DNAJB13: variants seen among roughly 807,000 people sequenced by gnomAD.
DNAJB13 encodes the protein dnaJ homolog subfamily B member 13.
A neutral mutation model predicts 35.6 loss-of-function variants in DNAJB13; 22 were observed. The ratio of observed to expected loss-of-function variants is 0.62; its 90% CI spans 0.44 to 0.88. The LOEUF (loss-of-function observed/expected upper bound fraction) is 0.88. Among genes scored for constraint, DNAJB13 ranks in the 40% least tolerant of loss-of-function variants. DNAJB13 has a pLI of 0.00. For missense variants in DNAJB13, 370 were observed against 384.3 expected, an observed-to-expected ratio of 0.96 and a Z score of 0.31; for synonymous variants, 136 against 144.2, an observed-to-expected ratio of 0.94 and a Z score of 0.41.
At chr11:73,951,574 G>A (rs975403449) in intron 1 of DNAJB13, among the ~76,000 whole-genome samples, 5 of 152,168 alleles carry the variant, frequency 3.3e-5, no homozygotes, top group African/African-American at 7.2e-5. Context: ...TACTTCCATC[G>A]GATCTTAAGG....
intron 2 of DNAJB13, 85 bp downstream of exon 2, chr11:73,958,505 A>G: frequency 1.6e-6 from 2 of 1,216,872 alleles, no homozygotes; most frequent in Non-Finnish European, 2.4e-6. Context: ...AGGGGGCCCA[A>G]TAACGAGGAA....
At chr11:73,960,370 C>T (rs1243516309) in intron 3 of DNAJB13, among the ~76,000 whole-genome samples, 4 of 152,292 alleles carry the variant, frequency 2.6e-5, no homozygotes, top group Middle Eastern at 3.4e-3. Flanking sequence ...TTAGTAGAGA[C>T]GTGGTTTCAC....
chr11:73,968,303 C>T lies in DNAJB13; in HGVS notation c.607-42C>T, dbSNP rs372159826. Reference sequence around the variant, plus strand: ...AGGCAGGAACTTGGCCAAGGTCACACGGCCAACTAGTCCTTGTCACCTTTT... The same window carrying T: ...AGGCAGGAACTTGGCCAAGGTCACATGGCCAACTAGTCCTTGTCACCTTTT... On this transcript the variant is annotated intron_variant, in intron 5 of 7. Coordinates refer to ENST00000339764, the MANE Select transcript of DNAJB13 (RefSeq NM_153614.4). 174 of 1,571,608 alleles carry T rather than the reference C, an allele frequency of 1.1e-4. No homozygotes were observed. The East Asian group carries it at 1.3e-3, about 12-fold the overall frequency.
chr11:73,956,803 CAAAA>C (rs1163341948), intron 1 of DNAJB13, among the ~76,000 whole-genome samples: 2,913 of 75,870 alleles, frequency 0.038, 110 homozygotes, highest in African/African-American at 0.12. Context: ...AACTCCATCT[CAAAA>C]AAAAAAAAAA....
At chr11:73,951,217 G>C (rs922911001) in intron 1 of DNAJB13, 80 bp downstream of exon 1, 109 of 1,522,076 alleles carry the variant, frequency 7.2e-5, no homozygotes, top group Non-Finnish European at 9.5e-5. Flanking sequence ...GAGCTTTCCT[G>C]CACAGCTTAG....
chr11:73,970,162 C>A lies in DNAJB13; in HGVS notation c.*48C>A. ...TGAGAGGAGGCTAGCCGGGCCTCAC[C>A]CCACCCCTACCCGCCACAGCCTCAG... is the stretch of plus-strand genomic sequence containing the variant. On this transcript the variant is annotated 3_prime_UTR_variant, in exon 8 of 8. Transcript: ENST00000339764. 6.6e-7 allele frequency: 1 copy of A among 1,513,362 alleles called. No homozygotes were observed. Among genetic ancestry groups the A allele is most frequent in the South Asian group, 1.3e-5 (1 of 75,852 alleles). 93.7% of individuals were successfully genotyped at this position (1,513,362 alleles called of 1,614,324 possible). A position where few individuals can be genotyped will look rare whatever the true frequency, so the allele number is the denominator to read the frequency against.
At chr11:73,966,333 G>C in intron 5 of DNAJB13, 82 bp downstream of exon 5, 6 of 1,347,428 alleles carry the variant, frequency 4.5e-6, no homozygotes, top group Non-Finnish European at 6.2e-6. Context: ...GGGAAAGGAG[G>C]CAATACTTTT....
At chr11:73,960,105 A>C (rs575719337) in intron 3 of DNAJB13, among the ~76,000 whole-genome samples, 2 of 152,284 alleles carry the variant, frequency 1.3e-5, no homozygotes, top group African/African-American at 4.8e-5. Context: ...AACACATTGC[A>C]AAAGAAAAAG....
chr11:73,968,147 G>C, intron 5 of DNAJB13, 198 bp from the exon 6 acceptor site: 1 of 604,924 alleles, frequency 1.7e-6, no homozygotes, highest in Non-Finnish European at 3.0e-6. Flanking sequence ...AAGTAATTCT[G>C]GGGGGATTCA....
intron 1 of DNAJB13, among the ~76,000 whole-genome samples, chr11:73,954,603 C>A (rs1950682864): frequency 6.8e-6 from 1 of 147,996 alleles, no homozygotes; most frequent in Non-Finnish European, 1.5e-5. Context: ...GCACTCCAGC[C>A]TGGGCAACAG....
chr11:73,960,987 G>A (rs1307835858), intron 3 of DNAJB13, among the ~76,000 whole-genome samples: 1 of 152,132 alleles, frequency 6.6e-6, no homozygotes, highest in Admixed American at 6.6e-5. Flanking sequence ...GGAATTAGGT[G>A]CTTTAAAAAA....
intron 3 of DNAJB13, 77 bp downstream of exon 3, chr11:73,959,732 T>C (rs1950873337): frequency 1.5e-6 from 2 of 1,356,460 alleles, no homozygotes; most frequent in Admixed American, 2.6e-5. Context: ...TGAGTAGTTT[T>C]GTTTTTATTT....
At chr11:73,964,823 G>A (rs749750367) in intron 3 of DNAJB13, 55 bp from the exon 4 acceptor site, 17 of 1,473,954 alleles carry the variant, frequency 1.2e-5, no homozygotes, top group African/African-American at 1.4e-5. Context: ...GCGCGCGCGC[G>A]CATGTCTGGG....
chr11:73,965,782 C>CA (rs1360567148), intron 4 of DNAJB13: 26 of 216,250 alleles, frequency 1.2e-4, no homozygotes, highest in Admixed American at 2.1e-4. Context: ...GAATGGAGTA[C>CA]ATTTTCACCA....
In DNAJB13 at chr11:73,966,229, C is replaced by A. The variant is rs763487283; in HGVS notation, c.584C>A (p.Thr195Asn). 2.9e-5 allele frequency: 46 copies of A among 1,613,232 alleles called. No homozygotes were observed. In the South Asian group the frequency reaches 5.0e-4, roughly 17 times the overall value. ...GGTTGGAGGCAGGGCACACGCATCA[C>A]CTTTGAGAAGGAAGGGGACCAGGTG... ...KPGWRQGTRI[T>N]FEKEGDQGPN... Residue 195 changes from threonine to asparagine, a missense_variant, in exon 5 of 8, where the codon ACC becomes AAC. Coordinates refer to ENST00000339764, the MANE Select transcript of DNAJB13 (RefSeq NM_153614.4).
intron 2 of DNAJB13, among the ~76,000 whole-genome samples, chr11:73,958,671 C>G (rs990430808): frequency 6.6e-6 from 1 of 152,188 alleles, no homozygotes; most frequent in Admixed American, 6.5e-5. Flanking sequence ...GGAGCTGGGG[C>G]ACATTCCCCA....
rs532004953 is a variant in DNAJB13, at chr11:73,957,997, C to T, written c.69-320C>T. The stretch of plus-strand genomic sequence containing the variant: ...CTGGGGAGCCCTCGCGCAAAGCTTG[C>T]CCGTTGGAGGAGTCCTGTGTCTTGC... On this transcript the variant is annotated intron_variant, in intron 1 of 7. Coordinates refer to ENST00000339764, the MANE Select transcript of DNAJB13 (RefSeq NM_153614.4). Among the ~76,000 whole-genome samples the T allele has an allele frequency of 2.4e-4, 36 of 152,282 alleles. No individual in the cohort carries two copies. In the South Asian group the frequency reaches 7.3e-3, roughly 31 times the overall value.
chr11:73,957,395 C>G (rs1205645969), intron 1 of DNAJB13, among the ~76,000 whole-genome samples: 1 of 152,220 alleles, frequency 6.6e-6, no homozygotes, highest in Non-Finnish European at 1.5e-5. Flanking sequence ...TCTCCCTCCG[C>G]TCCTCCAGCA....
chr11:73,964,763 G>A, intron 3 of DNAJB13, 115 bp from the exon 4 acceptor site: 1 of 1,059,334 alleles, frequency 9.4e-7, no homozygotes, highest in South Asian at 1.3e-5. Flanking sequence ...TGGATAGGGA[G>A]GCTGTGTGTG....
Sources: allele counts gnomAD v4.1 joint callset (sites outside exome capture counted in the v4.1 genomes callset), GRCh38; gene constraint gnomAD v4.1.1; transcripts MANE v1.5; gene names NCBI Gene and HGNC (gene_info 2026-07-23, HGNC 2026-07-21).